Variants in FOCAD observed in about 807,000 individuals in gnomAD.
The protein encoded by FOCAD is KIAA1797.
A neutral mutation model predicts 225.6 loss-of-function variants in FOCAD; 198 were observed. The ratio of observed to expected loss-of-function variants is 0.88; its 90% confidence interval spans 0.78 to 0.99. FOCAD has a LOEUF of 0.99. FOCAD is among the 50% of genes least tolerant of loss of function. FOCAD has a pLI of 0.00. For synonymous variants in FOCAD, 897 were observed against 755.0 expected, an observed-to-expected ratio of 1.19 and a Z score of -3.08; for missense variants, 2,713 against 2,123.6, an observed-to-expected ratio of 1.28 and a Z score of -5.46.
intron 34 of FOCAD, among the ~76,000 whole-genome samples, chr9:20,951,855 A>G (rs1454712880): frequency 3.3e-5 from 5 of 152,218 alleles, no homozygotes; most frequent in African/African-American, 1.2e-4. Context: ...CCCAGGCCAG[A>G]GAGGTTCAGG....
intron 24 of FOCAD, among the ~76,000 whole-genome samples, chr9:20,919,163 A>G (rs1270924924): frequency 2.0e-5 from 3 of 152,202 alleles, no homozygotes; most frequent in Non-Finnish European, 4.4e-5. Context: ...ATTCTTATAC[A>G]CCAATAACAG....
At chr9:20,844,703 A>C (rs1414461538) in intron 15 of FOCAD, among the ~76,000 whole-genome samples, 2 of 152,044 alleles carry the variant, frequency 1.3e-5, no homozygotes, top group Non-Finnish European at 2.9e-5. Context: ...TGCAGTTGTG[A>C]TGAAATCTAC....
At chr9:20,727,838 A>T (rs1428704188) in intron 4 of FOCAD, among the ~76,000 whole-genome samples, 1 of 152,190 alleles carries the variant, frequency 6.6e-6, no homozygotes, top group Non-Finnish European at 1.5e-5. Context: ...TTGGGATGTT[A>T]TGTCATTCTC....
At position 20,881,930 on chromosome 9, in the gene FOCAD, A is replaced by T; in HGVS notation, c.2377A>T (p.Ile793Leu). 1 of 1,613,900 alleles carries T rather than the reference A, an allele frequency of 6.2e-7. No homozygotes were observed. Among genetic ancestry groups the T allele is most frequent in the Non-Finnish European group, 8.5e-7 (1 of 1,179,898 alleles). ...AGAAATGGTGAATATGCCTCGTGGGATATATCACTCTGCATTAAAAGGAGG... is the reference window on the plus strand; with the variant it reads ...AGAAATGGTGAATATGCCTCGTGGGTTATATCACTCTGCATTAAAAGGAGG... ...KQEMVNMPRG[I>L]YHSALKGGAR... Residue 793 changes from isoleucine to leucine, a missense_variant, in exon 20 of 44, where the codon ATA becomes TTA. Transcript: ENST00000338382.
At chr9:20,790,627 C>T (rs974776055) in intron 11 of FOCAD, among the ~76,000 whole-genome samples, 5 of 152,058 alleles carry the variant, frequency 3.3e-5, no homozygotes, top group African/African-American at 7.2e-5. Context: ...AAAAATTAGT[C>T]GGGTGCAGTG....
Position 20,839,132 on chromosome 9 carries a change from G to T in FOCAD, c.1920+16017G>T, listed in dbSNP as rs145376817. 2.7e-3 allele frequency among the ~76,000 whole-genome samples: 413 copies of T among 151,528 alleles called. 1 individual carries two copies. Among genetic ancestry groups the T allele is most frequent in the Non-Finnish European group, 4.5e-3 (307 of 67,842 alleles). On this transcript the variant is annotated intron_variant, in intron 15 of 43. Coordinates refer to ENST00000338382, the MANE Select transcript of FOCAD (RefSeq NM_001375567.1). ...ATTTATGTTGTGTGCCTATATAGGG[G>T]TGTGTGTGTGTGTTTGTGAGTATGT... is the stretch of plus-strand genomic sequence containing the variant.
chr9:20,868,428 A>ATT (rs967498651), intron 18 of FOCAD, among the ~76,000 whole-genome samples: 1 of 151,704 alleles, frequency 6.6e-6, no homozygotes, highest in African/African-American at 2.4e-5. Flanking sequence ...ACATGCTTAT[A>ATT]TTTTTTTTCT....
rs368200363 is a variant in FOCAD at position 20,984,752 on chromosome 9, A to G, written c.4729-1536A>G. Among the ~76,000 whole-genome samples the G allele has an allele frequency of 7.8e-4, 118 of 151,984 alleles. 1 individual carries two copies. Among genetic ancestry groups the G allele is most frequent in the African/African-American group, 2.7e-3 (112 of 41,280 alleles). On this transcript the variant is annotated intron_variant, in intron 39 of 43. Transcript: ENST00000338382. ...ATAGTCTTTTCACATAATTACGGAC[A>G]TCCTTCTTTTACATTTCACCAAAAA... is the stretch of plus-strand genomic sequence containing the variant.
chr9:20,725,141 C>T (rs1826086063), intron 4 of FOCAD, among the ~76,000 whole-genome samples: 1 of 152,234 alleles, frequency 6.6e-6, no homozygotes, highest in South Asian at 2.1e-4. Flanking sequence ...TACTGCACTC[C>T]AGCCTGGACA....
At chr9:20,703,949 G>T (rs1336414337) in intron 1 of FOCAD, among the ~76,000 whole-genome samples, 1 of 152,186 alleles carries the variant, frequency 6.6e-6, no homozygotes, top group Non-Finnish European at 1.5e-5. Flanking sequence ...CCTCCCTTTA[G>T]CCCCCAAAGG....
chr9:20,949,035 C>A, intron 32 of FOCAD, 107 bp downstream of exon 32: 3 of 1,009,760 alleles, frequency 3.0e-6, no homozygotes, highest in Non-Finnish European at 4.5e-6. Flanking sequence ...GATTTATGCT[C>A]ATGGTAATAG....
At chr9:20,815,679 G>A (rs1057261405) in intron 11 of FOCAD, among the ~76,000 whole-genome samples, 1 of 152,022 alleles carries the variant, frequency 6.6e-6, no homozygotes, top group Non-Finnish European at 1.5e-5. Context: ...CGCTGGAGGA[G>A]GGAAGAGAAA....
chr9:20,981,496 TGG>T lies in FOCAD; in HGVS notation c.4450_4451del (p.Gly1484PhefsTer3), dbSNP rs1234562163. On this transcript the variant is annotated frameshift_variant, in exon 38 of 44. Transcript: ENST00000338382. LOFTEE classifies it high-confidence loss of function. ...AAACACATCTCTGATGAACAGATCCTGGGTTTTGTTGAAAATTTAATGGTGGC... is the reference window on the plus strand; with the variant it reads ...AAACACATCTCTGATGAACAGATCCTGTTTTGTTGAAAATTTAATGGTGGC... 2.5e-6 allele frequency: 4 copies of T among 1,614,034 alleles called. No individual in the cohort carries two copies. The highest frequency in any genetic ancestry group is 3.4e-6 in the Non-Finnish European group (4 of 1,180,014).
chr9:20,668,506 C>T (rs1173711682), intron 2 of FOCAD, among the ~76,000 whole-genome samples: 2 of 152,226 alleles, frequency 1.3e-5, no homozygotes, highest in East Asian at 1.9e-4. Flanking sequence ...TTTTTATGTT[C>T]TGATATCAGG....
At chr9:20,834,300 G>T (rs913978351) in intron 15 of FOCAD, among the ~76,000 whole-genome samples, 3 of 151,966 alleles carry the variant, frequency 2.0e-5, no homozygotes, top group East Asian at 1.9e-4. Context: ...GGTCTGTTGT[G>T]GGGGAGGGGG....
At chr9:20,656,553 A>T (rs1333309567), upstream of FOCAD, among the ~76,000 whole-genome samples, 1 of 151,254 alleles carries the variant, frequency 6.6e-6, no homozygotes. Flanking sequence ...GTCTCTTTTG[A>T]TCTTTGTTGG....
At chr9:20,662,743 C>G (rs1040908984) in intron 2 of FOCAD, among the ~76,000 whole-genome samples, 1 of 152,160 alleles carries the variant, frequency 6.6e-6, no homozygotes, top group African/African-American at 2.4e-5. Context: ...AGCCACGGCA[C>G]CCAGCCAGAT....
chr9:20,868,191 G>A (rs1829455336), intron 18 of FOCAD, among the ~76,000 whole-genome samples: 1 of 152,062 alleles, frequency 6.6e-6, no homozygotes, highest in African/African-American at 2.4e-5. Context: ...AAGGAAAAAA[G>A]CTACATGTAA....
At chr9:20,807,055 C>G (rs1056517159) in intron 11 of FOCAD, among the ~76,000 whole-genome samples, 4 of 152,170 alleles carry the variant, frequency 2.6e-5, no homozygotes, top group African/African-American at 4.8e-5. Context: ...AACAAAACAA[C>G]CCACCTCATT....
Sources: allele counts gnomAD v4.1 joint callset (sites outside exome capture counted in the v4.1 genomes callset), GRCh38; gene constraint gnomAD v4.1.1; transcripts MANE v1.5; gene names NCBI Gene and HGNC (gene_info 2026-07-23, HGNC 2026-07-21).